Variants in OTULINL observed in about 807,000 individuals in gnomAD.
The protein encoded by OTULINL is OTU deubiquitinase with linear linkage specificity like, also known as inactive ubiquitin thioesterase OTULINL.
OTULINL carries 42 observed loss-of-function variants against 43.9 expected under a neutral mutation model. The observed-to-expected ratio is 0.96, with a 90% CI of 0.75 to 1.24. The LOEUF is 1.24. OTULINL is among the 50% of genes most tolerant of loss of function. The pLI is 0.00. For synonymous variants in OTULINL, 172 were observed against 153.6 expected, an observed-to-expected ratio of 1.12 and a Z score of -0.88; for missense variants, 411 against 426.4, an observed-to-expected ratio of 0.96 and a Z score of 0.32.
chr5:14,600,180 C>G (rs1323583677), intron 1 of OTULINL, among the ~76,000 whole-genome samples: 2 of 152,124 alleles, frequency 1.3e-5, no homozygotes, highest in African/African-American at 4.8e-5. Context: ...TGAGTTCTCA[C>G]GAGATCTGAT....
intron 1 of OTULINL, among the ~76,000 whole-genome samples, chr5:14,593,424 C>T (rs1759237008): frequency 6.6e-6 from 1 of 151,910 alleles, no homozygotes; most frequent in South Asian, 2.1e-4. Flanking sequence ...GATTAGTCCT[C>T]TAGCTAGAAA....
rs1199299476 is a variant in OTULINL, at chr5:14,611,703, T to C, written c.*1389T>C. On this transcript the variant is annotated 3_prime_UTR_variant, in exon 8 of 8. Coordinates refer to ENST00000274217, the MANE Select transcript of OTULINL (RefSeq NM_019018.3). ...GAAATACTTTTCTAGTTTAATTTGA[T>C]AGTTTTTTTTTTGGAGGTACTTTGC... 2.0e-5 allele frequency: 3 copies of C among 151,846 alleles called. No individual in the cohort carries two copies. Among genetic ancestry groups the C allele is most frequent in the Admixed American group, 6.6e-5 (1 of 15,264 alleles). The allele number at this position is 151,846 out of a possible 1,614,324, so 9.4% of individuals were successfully genotyped here. A position where few individuals can be genotyped will look rare whatever the true frequency, so the allele number is the denominator to read the frequency against.
Position 14,615,073 on chromosome 5 carries a change from C to T in OTULINL, c.*4759C>T. 4.1e-6 allele frequency: 1 copy of T among 242,176 alleles called. No individual in the cohort carries two copies. The highest frequency in any genetic ancestry group is 7.8e-6 in the Non-Finnish European group (1 of 127,518). 15.0% of individuals were successfully genotyped at this position (242,176 alleles called of 1,614,324 possible). On this transcript the variant is annotated 3_prime_UTR_variant, in exon 8 of 8. Transcript: ENST00000274217. The stretch of plus-strand genomic sequence containing the variant: ...CACGAGTATAAATTTAAAACAGAAA[C>T]ATCAAGGTGTCAGCAATCATGATTT...
Position 14,610,204 on chromosome 5 carries a change from T to G in OTULINL, c.961T>G (p.Phe321Val). 1 of 1,614,070 alleles carries G rather than the reference T, an allele frequency of 6.2e-7. No homozygotes were observed. The highest frequency in any genetic ancestry group is 8.5e-7 in the Non-Finnish European group (1 of 1,179,948). The part of the protein sequence containing the change: ...VKIKVFRLFK[F>V]NSRDFEVCYP... The stretch of plus-strand genomic sequence containing the variant: ...GATAAAAGTGTTCAGACTGTTCAAG[T>G]TTAACTCCAGAGACTTTGAAGTCTG... The change falls in exon 8 of 8, where the codon TTT becomes GTT. Residue 321 changes from phenylalanine to valine, a missense_variant. Transcript: ENST00000274217.
At chr5:14,585,020 A>G (rs1055381621) in intron 1 of OTULINL, among the ~76,000 whole-genome samples, 1 of 152,166 alleles carries the variant, frequency 6.6e-6, no homozygotes, top group Non-Finnish European at 1.5e-5. Context: ...AGGAGCGATG[A>G]GAAGTGTGGG....
chr5:14,582,378 C>G (rs896271736), intron 1 of OTULINL, among the ~76,000 whole-genome samples: 3 of 152,054 alleles, frequency 2.0e-5, no homozygotes, highest in Non-Finnish European at 4.4e-5. Context: ...CGTGTCCTCT[C>G]GGGGAGCTCG....
At chr5:14,585,915 G>T (rs1759095141) in intron 1 of OTULINL, among the ~76,000 whole-genome samples, 1 of 152,214 alleles carries the variant, frequency 6.6e-6, no homozygotes, top group South Asian at 2.1e-4. Flanking sequence ...AAGCTGTTCT[G>T]AATTAAGATT....
intron 1 of OTULINL, among the ~76,000 whole-genome samples, chr5:14,589,227 C>A (rs141808881): frequency 2.2e-4 from 34 of 152,058 alleles, no homozygotes; most frequent in Non-Finnish European, 4.6e-4. Context: ...AAAAGGACAC[C>A]GTGTGCTATG....
At chr5:14,607,243 A>G (rs1191347290) in intron 5 of OTULINL, 87 bp from the exon 6 acceptor site, 7 of 1,336,018 alleles carry the variant, frequency 5.2e-6, no homozygotes, top group Admixed American at 2.3e-5. Flanking sequence ...AAAAAAAAAG[A>G]TAAGGTTGTG....
chr5:14,609,320 C>T (rs970661848), intron 7 of OTULINL, among the ~76,000 whole-genome samples: 1 of 152,122 alleles, frequency 6.6e-6, no homozygotes, highest in African/African-American at 2.4e-5. Flanking sequence ...AGGAAAAAGT[C>T]CAGGTGGAAA....
At position 14,615,646 on chromosome 5, in the gene OTULINL, AT is replaced by A. The variant is rs1759661772; in HGVS notation, c.*5333del. ...AGTAGAACAAATATTTACATCTGTT[AT>A]GAAAAGCTACCTTTAGCCGTAGATA... On this transcript the variant is annotated 3_prime_UTR_variant, in exon 8 of 8. Transcript: ENST00000274217. Among the ~76,000 whole-genome samples, 1 of 152,228 alleles carries A rather than the reference AT, an allele frequency of 6.6e-6. No homozygotes were observed. Among genetic ancestry groups the A allele is most frequent in the South Asian group, 2.1e-4 (1 of 4,834 alleles).
chr5:14,615,272 C>G lies in OTULINL; in HGVS notation c.*4958C>G, dbSNP rs1759654291. Reference sequence around the variant, plus strand: ...CCTGGCCCATTTCTTGTCATCGCTGCCATCCCCAAAGACAGACTCTGGGAA... The same window carrying G: ...CCTGGCCCATTTCTTGTCATCGCTGGCATCCCCAAAGACAGACTCTGGGAA... On this transcript the variant is annotated 3_prime_UTR_variant, in exon 8 of 8. Transcript: ENST00000274217. Among the ~76,000 whole-genome samples, 1 of 152,210 alleles carries G rather than the reference C, an allele frequency of 6.6e-6. No homozygotes were observed. Among genetic ancestry groups the G allele is most frequent in the Admixed American group, 6.5e-5 (1 of 15,282 alleles).
At chr5:14,603,583 T>C (rs1184631510) in intron 5 of OTULINL, among the ~76,000 whole-genome samples, 1 of 151,818 alleles carries the variant, frequency 6.6e-6, no homozygotes, top group Non-Finnish European at 1.5e-5. Context: ...AGTAATGATG[T>C]TGAGCATTTT....
chr5:14,585,230 A>C (rs911520010), intron 1 of OTULINL, among the ~76,000 whole-genome samples: 1 of 151,966 alleles, frequency 6.6e-6, no homozygotes, highest in Non-Finnish European at 1.5e-5. Context: ...GTAACTGTCG[A>C]GAGAAATATT....
chr5:14,582,578 G>T (rs946565736), intron 1 of OTULINL, among the ~76,000 whole-genome samples: 6 of 152,096 alleles, frequency 3.9e-5, no homozygotes, highest in African/African-American at 7.2e-5. Context: ...GGCGGATCAC[G>T]CGGTCAGGAG....
intron 6 of OTULINL, among the ~76,000 whole-genome samples, chr5:14,608,461 G>C (rs1759517602): frequency 6.6e-6 from 1 of 151,982 alleles, no homozygotes; most frequent in South Asian, 2.1e-4. Flanking sequence ...ATTCATGAGG[G>C]CTCCACCGTC....
At chr5:14,596,165 T>G (rs923923729) in intron 1 of OTULINL, among the ~76,000 whole-genome samples, 3 of 152,160 alleles carry the variant, frequency 2.0e-5, no homozygotes, top group African/African-American at 7.2e-5. Context: ...TTGCCAAAAC[T>G]TGTCCCCTCC....
At position 14,612,967 on chromosome 5, in the gene OTULINL, G is replaced by T. The variant is rs1017690009; in HGVS notation, c.*2653G>T. Reference sequence around the variant, plus strand: ...GACGGAGTTTCACTCTTTTTGCTCAGGCTGCAGTGCAGTGGCACAATCTCG... The same window carrying T: ...GACGGAGTTTCACTCTTTTTGCTCATGCTGCAGTGCAGTGGCACAATCTCG... On this transcript the variant is annotated 3_prime_UTR_variant, in exon 8 of 8. Transcript: ENST00000274217. 2.6e-5 allele frequency among the ~76,000 whole-genome samples: 4 copies of T among 151,894 alleles called. No individual in the cohort carries two copies. The highest frequency in any genetic ancestry group is 5.9e-5 in the Non-Finnish European group (4 of 67,974).
intron 1 of OTULINL, among the ~76,000 whole-genome samples, chr5:14,590,097 T>G (rs952239917): frequency 6.6e-6 from 1 of 152,198 alleles, no homozygotes; most frequent in African/African-American, 2.4e-5. Context: ...CAACACTTAC[T>G]TTTAGTTGGA....
Sources: allele counts gnomAD v4.1 joint callset (sites outside exome capture counted in the v4.1 genomes callset), GRCh38; gene constraint gnomAD v4.1.1; transcripts MANE v1.5; gene names NCBI Gene and HGNC (gene_info 2026-07-23, HGNC 2026-07-21).